MGRN1: variants seen among roughly 807,000 people sequenced by gnomAD.
MGRN1 encodes the protein mahogunin ring finger 1.
A neutral mutation model predicts 69.2 loss-of-function variants in MGRN1; 29 were observed. The observed-to-expected ratio is 0.42, with a 90% CI of 0.31 to 0.57. MGRN1 has a LOEUF of 0.57. MGRN1 is among the 20% of genes least tolerant of loss of function. The pLI is 0.15. For synonymous variants in MGRN1, 470 were observed against 344.2 expected (o/e 1.37, Z -4.04); for missense variants, 998 against 796.2 (o/e 1.25, Z -3.05).
intron 7 of MGRN1, among the ~76,000 whole-genome samples, chr16:4,667,851 C>T (rs964918647): frequency 2.0e-5 from 3 of 152,032 alleles, no homozygotes; most frequent in Non-Finnish European, 2.9e-5. Flanking sequence ...CTAACTCAGC[C>T]GGGCCTGGGA....
At chr16:4,674,932 G>A (rs1390951364) in intron 10 of MGRN1, among the ~76,000 whole-genome samples, 1 of 151,004 alleles carries the variant, frequency 6.6e-6, no homozygotes. Flanking sequence ...GAGCCACCGC[G>A]CCTGGCCGAG....
intron 5 of MGRN1, among the ~76,000 whole-genome samples, chr16:4,660,196 C>A (rs1422067117): frequency 6.6e-6 from 1 of 152,234 alleles, no homozygotes; most frequent in East Asian, 1.9e-4. Context: ...GGCCCACTTT[C>A]GTTCTGCCGC....
At chr16:4,672,660 A>G (rs1596307581) in intron 9 of MGRN1, 1 of 336,736 alleles carries the variant, frequency 3.0e-6, no homozygotes, top group East Asian at 8.4e-5. Context: ...GGGACTGTAT[A>G]AAAATGAGTG....
chr16:4,647,439 GGGCTCACTGTACTGCA>G (rs2078297578), intron 1 of MGRN1, among the ~76,000 whole-genome samples: 1 of 152,202 alleles, frequency 6.6e-6, no homozygotes, highest in African/African-American at 2.4e-5. Context: ...AAGGCATCCT[GGGCTCACTGTACTGCA>G]GGTGTTCTTT....
At chr16:4,673,039 T>C (rs532475941) in intron 9 of MGRN1, among the ~76,000 whole-genome samples, 2 of 152,158 alleles carry the variant, frequency 1.3e-5, no homozygotes, top group Admixed American at 6.5e-5. Flanking sequence ...GGGGTTTCAC[T>C]ATGTTAGCCA....
chr16:4,686,250 TC>T, intron 16 of MGRN1: 1 of 1,542,492 alleles, frequency 6.5e-7, no homozygotes, highest in East Asian at 2.4e-5. Context: ...TCTCCCCCTC[TC>T]CGCGCAGCCC....
At chr16:4,647,857 C>A (rs920954581) in intron 1 of MGRN1, among the ~76,000 whole-genome samples, 1 of 152,128 alleles carries the variant, frequency 6.6e-6, no homozygotes, top group Admixed American at 6.5e-5. Flanking sequence ...CGGCTCCCAA[C>A]CACTGTTCCT....
intron 6 of MGRN1, 47 bp downstream of exon 6, chr16:4,664,822 G>A (rs773814244): frequency 6.2e-7 from 1 of 1,603,792 alleles, no homozygotes; most frequent in African/African-American, 1.3e-5. Flanking sequence ...GCCGTGCAGG[G>A]AGGAAGCACG....
intron 5 of MGRN1, among the ~76,000 whole-genome samples, chr16:4,662,836 C>T (rs903858684): frequency 4.6e-5 from 7 of 152,134 alleles, no homozygotes; most frequent in South Asian, 2.1e-4. Context: ...TGTTCAGGGG[C>T]GGGTGCTTGG....
intron 1 of MGRN1, among the ~76,000 whole-genome samples, chr16:4,626,126 G>A (rs1365206285): frequency 2.6e-5 from 4 of 152,210 alleles, no homozygotes; most frequent in African/African-American, 9.6e-5. Flanking sequence ...AAACTGCTCT[G>A]CCCAGGTTTT....
At chr16:4,645,650 T>C (rs1301411267) in intron 1 of MGRN1, among the ~76,000 whole-genome samples, 1 of 152,124 alleles carries the variant, frequency 6.6e-6, no homozygotes, top group Non-Finnish European at 1.5e-5. Flanking sequence ...AGAAGAGGCC[T>C]CGTGGAGAGA....
intron 11 of MGRN1, among the ~76,000 whole-genome samples, chr16:4,678,332 C>T (rs548579934): frequency 6.4e-4 from 98 of 152,210 alleles, no homozygotes; most frequent in African/African-American, 2.3e-3. Context: ...CAGACAGAGA[C>T]ATGGAGAGAG....
At chr16:4,653,893 C>T (rs1263531355) in intron 4 of MGRN1, among the ~76,000 whole-genome samples, 1 of 152,162 alleles carries the variant, frequency 6.6e-6, no homozygotes, top group Non-Finnish European at 1.5e-5. Context: ...GCTGGGATTA[C>T]AGGCATATGC....
chr16:4,627,138 A>G (rs1897721076), intron 1 of MGRN1, among the ~76,000 whole-genome samples: 2 of 152,196 alleles, frequency 1.3e-5, no homozygotes, highest in South Asian at 4.1e-4. Context: ...TGTTTCCCCA[A>G]GGGCAGACCG....
In MGRN1 at chr16:4,668,323, A is replaced by G; in HGVS notation, c.726+11A>G. The G allele has an allele frequency of 3.1e-6, 5 of 1,613,798 alleles. No homozygotes were observed. The highest frequency in any genetic ancestry group is 4.2e-6 in the Non-Finnish European group (5 of 1,179,818). On this transcript the variant is annotated intron_variant, in intron 8 of 16. Coordinates refer to ENST00000262370, the MANE Select transcript of MGRN1 (RefSeq NM_015246.4). ...AAGCAGAAGCAAATTGTAAGTCATCAGAGGAAATATGACGTGCTTGAATTA... is the reference window on the plus strand; with the variant it reads ...AAGCAGAAGCAAATTGTAAGTCATCGGAGGAAATATGACGTGCTTGAATTA...
chr16:4,687,790 C>T, intron 16 of MGRN1: 1 of 985,462 alleles, frequency 1.0e-6, no homozygotes, highest in Non-Finnish European at 1.2e-6. Flanking sequence ...GCCCTTTCCC[C>T]TTGGGTGGAC....
chr16:4,664,882 G>C, intron 6 of MGRN1, 107 bp downstream of exon 6: 1 of 1,457,188 alleles, frequency 6.9e-7, no homozygotes. Flanking sequence ...CAGGCATAGG[G>C]CCTTGGGCTT....
At chr16:4,637,247 TG>T (rs1898349043) in intron 1 of MGRN1, among the ~76,000 whole-genome samples, 1 of 150,970 alleles carries the variant, frequency 6.6e-6, no homozygotes, top group African/African-American at 2.4e-5. Context: ...CCGGCCAACA[TG>T]GTGAAACCCC....
intron 1 of MGRN1, chr16:4,633,976 G>T (rs746021250): frequency 1.3e-5 from 2 of 152,190 alleles, no homozygotes; most frequent in African/African-American, 4.8e-5. Context: ...TTTTAAAAAG[G>T]GCTTGGGTTT....
Sources: allele counts gnomAD v4.1 joint callset (sites outside exome capture counted in the v4.1 genomes callset), GRCh38; gene constraint gnomAD v4.1.1; transcripts MANE v1.5; gene names NCBI Gene and HGNC (gene_info 2026-07-23, HGNC 2026-07-21).